The following PLA2G15 variants were observed in gnomAD, a reference collection of about 807,000 sequenced individuals.
The protein encoded by PLA2G15 is lysosomal phospholipase A and acyltransferase.
In PLA2G15, 20 loss-of-function variants were observed where a neutral mutation model predicts 40.9. That is an observed-to-expected ratio of 0.49 (90% confidence interval 0.34 to 0.71). PLA2G15 has a LOEUF of 0.71. Ranked by LOEUF, PLA2G15 falls within the 30% of genes least tolerant of loss-of-function variation. PLA2G15 has a pLI of 0.01. For synonymous variants in PLA2G15, 223 were observed against 228.2 expected (o/e 0.98, Z 0.21); for missense variants, 471 against 541.9 (o/e 0.87, Z 1.30).
At chr16:68,248,198 G>T (rs1169268699) in intron 1 of PLA2G15, 1 of 152,286 alleles carries the variant, frequency 6.6e-6, no homozygotes, top group Non-Finnish European at 1.5e-5. Context: ...GCTTCTCTCA[G>T]CTGTGTTTCT....
rs1043581715 is a variant in PLA2G15 at position 68,260,436 on chromosome 16, C to T, written c.*779C>T. ...AGGACTGAAGCTGCCTCCCTTCACC[C>T]TGGGACTGTGGTTCCAAGGATGAGA... On this transcript the variant is annotated 3_prime_UTR_variant, in exon 6 of 6. Coordinates refer to ENST00000219345, the MANE Select transcript of PLA2G15 (RefSeq NM_012320.4). 6.6e-6 allele frequency: 1 copy of T among 152,662 alleles called. No homozygotes were observed. The highest frequency in any genetic ancestry group is 2.4e-5 in the African/African-American group (1 of 41,448). The allele number at this position is 152,662 out of a possible 1,614,324, so 9.5% of individuals were successfully genotyped here.
chr16:68,254,353 T>TTATG (rs2042383625), intron 2 of PLA2G15: 1 of 149,364 alleles, frequency 6.7e-6, no homozygotes, highest in Admixed American at 6.7e-5. Flanking sequence ...ATTTATTTAT[T>TTATG]TTTTTGAGAC....
At chr16:68,245,847 C>G (rs2042304602) in intron 1 of PLA2G15, among the ~76,000 whole-genome samples, 1 of 152,144 alleles carries the variant, frequency 6.6e-6, no homozygotes, top group Non-Finnish European at 1.5e-5. Flanking sequence ...CCCCTTATCC[C>G]ATTTTTAAGC....
rs370126194 is a variant in PLA2G15 at position 68,255,247 on chromosome 16, G to C, written c.404-35G>C. 2.0e-6 allele frequency: 3 copies of C among 1,498,740 alleles called. No homozygotes were observed. The highest frequency in any genetic ancestry group is 2.8e-6 in the Non-Finnish European group (3 of 1,076,214). 92.8% of individuals were successfully genotyped at this position (1,498,740 alleles called of 1,614,324 possible). On this transcript the variant is annotated intron_variant, in intron 3 of 5. Transcript: ENST00000219345. This position sits in a 1 kb window ranked among gnomAD's most constrained non-coding sequence, Gnocchi z 5.9. ...ATAGTGTAGGTGGCCGGCACTAGCT[G>C]TATCTTTTCTTATCCTCTGTATTTC... is the stretch of plus-strand genomic sequence containing the variant.
chr16:68,255,092 T>A lies in PLA2G15; in HGVS notation c.403+55T>A. 2.6e-6 allele frequency: 3 copies of A among 1,173,902 alleles called. No individual in the cohort carries two copies. The South Asian group carries it at 3.7e-5, about 14-fold the overall frequency. The allele number at this position is 1,173,902 out of a possible 1,614,324, so 72.7% of individuals were successfully genotyped here. ...AGCTGGGATGGGGTTTCTGCCGGAC[T>A]GGAGCTGGAGCTGGAGGAACTCTGC... On this transcript the variant is annotated intron_variant, in intron 3 of 5. Transcript: ENST00000219345. The surrounding 1 kb of genome is among the most constrained non-coding windows in gnomAD (Gnocchi z 5.9).
chr16:68,254,868 C>G (rs1297294327), intron 2 of PLA2G15, 51 bp from the exon 3 acceptor site: 6 of 1,152,606 alleles, frequency 5.2e-6, no homozygotes, highest in African/African-American at 1.5e-5. Context: ...TTGGGACACA[C>G]CAAGCTCAGT....
chr16:68,256,203 C>T (rs983973770), intron 5 of PLA2G15: 7 of 515,256 alleles, frequency 1.4e-5, no homozygotes, highest in Non-Finnish European at 2.4e-5. Context: ...CGAATAGAAG[C>T]CACATCTGTG....
rs996962264 is a variant in PLA2G15 at position 68,260,021 on chromosome 16, G to A, written c.*364G>A. ...TTTTCATACTTGCCTACTGGGCCCT[G>A]GCCCCGCAGCCTTCCTATGAGGGAT... On this transcript the variant is annotated 3_prime_UTR_variant, in exon 6 of 6. Transcript: ENST00000219345. The A allele has an allele frequency of 1.1e-5, 3 of 283,854 alleles. No individual in the cohort carries two copies. Among genetic ancestry groups the A allele is most frequent in the Non-Finnish European group, 2.0e-5 (3 of 147,866 alleles). 17.6% of individuals were successfully genotyped at this position (283,854 alleles called of 1,614,324 possible). A position where few individuals can be genotyped will look rare whatever the true frequency, so the allele number is the denominator to read the frequency against.
At chr16:68,254,886 C>G in intron 2 of PLA2G15, 33 bp from the exon 3 acceptor site, 1 of 1,352,274 alleles carries the variant, frequency 7.4e-7, no homozygotes, top group Non-Finnish European at 1.1e-6. Context: ...AGTGTCCCCT[C>G]CGGGTCACTG....
chr16:68,258,950 AC>A, intron 5 of PLA2G15, 195 bp from the exon 6 acceptor site: 1 of 590,740 alleles, frequency 1.7e-6, no homozygotes, highest in Non-Finnish European at 3.0e-6. Context: ...ACAGAGTGAG[AC>A]CCTGTCTCAA....
chr16:68,248,712 G>A (rs943943507), intron 1 of PLA2G15: 3 of 992,568 alleles, frequency 3.0e-6, no homozygotes, highest in African/African-American at 1.7e-5. Context: ...TAATGACAAG[G>A]GCCTTGGCCA....
At chr16:68,250,242 G>A (rs1343399446) in intron 2 of PLA2G15, 2 of 340,412 alleles carry the variant, frequency 5.9e-6, no homozygotes, top group Non-Finnish European at 1.1e-5. Context: ...GTGCAATGGC[G>A]CGATCTCGGC....
Position 68,254,771 on chromosome 16 carries a change from A to G in PLA2G15, c.285-148A>G, listed in dbSNP as rs542023141. ...ATTACAGGTGATCTGTGCTTTATCA[A>G]CCTGCTTTGTTACTTTTCGGTCTCT... On this transcript the variant is annotated intron_variant, in intron 2 of 5. Coordinates refer to ENST00000219345, the MANE Select transcript of PLA2G15 (RefSeq NM_012320.4). The G allele has an allele frequency of 6.7e-4, 442 of 655,616 alleles. 3 individuals are homozygous for G. The South Asian group carries it at 7.6e-3, about 11-fold the overall frequency. The allele number at this position is 655,616 out of a possible 1,614,324, so 40.6% of individuals were successfully genotyped here.
At chr16:68,252,223 T>C (rs984228734) in intron 2 of PLA2G15, among the ~76,000 whole-genome samples, 4 of 152,206 alleles carry the variant, frequency 2.6e-5, no homozygotes, top group African/African-American at 9.6e-5. Flanking sequence ...TATGTGGTCA[T>C]TGGGATAATC....
chr16:68,259,786 A>T lies in PLA2G15; in HGVS notation c.*129A>T. On this transcript the variant is annotated 3_prime_UTR_variant, in exon 6 of 6. Coordinates refer to ENST00000219345, the MANE Select transcript of PLA2G15 (RefSeq NM_012320.4). This position sits in a 1 kb window ranked among gnomAD's most constrained non-coding sequence, Gnocchi z 6.5. ...GGCCCCGAGTCTTGGACTGTGAAGC[A>T]TCTGCCATGGGGAAGTGCTGTTTGT... is the stretch of plus-strand genomic sequence containing the variant. 1 of 785,384 alleles carries T rather than the reference A, an allele frequency of 1.3e-6. No individual in the cohort carries two copies. Among genetic ancestry groups the T allele is most frequent in the East Asian group, 2.6e-5 (1 of 38,348 alleles). 48.7% of individuals were successfully genotyped at this position (785,384 alleles called of 1,614,324 possible).
intron 2 of PLA2G15, among the ~76,000 whole-genome samples, chr16:68,253,074 C>T (rs2042368224): frequency 6.6e-6 from 1 of 152,196 alleles, no homozygotes; most frequent in African/African-American, 2.4e-5. Context: ...ATTTGCTGGG[C>T]AAGCCCTGAG....
At position 68,255,734 on chromosome 16, in the gene PLA2G15, C is replaced by A; in HGVS notation, c.503-32C>A. ...AGTGGTTCCGGCTCCAGGACCCTTC[C>A]CACCTGACCCCTGCCTGGCTCTGGC... On this transcript the variant is annotated intron_variant, in intron 4 of 5. Coordinates refer to ENST00000219345, the MANE Select transcript of PLA2G15 (RefSeq NM_012320.4). The surrounding 1 kb of genome is among the most constrained non-coding windows in gnomAD (Gnocchi z 5.9). The A allele has an allele frequency of 6.3e-7, 1 of 1,585,160 alleles. No individual in the cohort carries two copies. Among genetic ancestry groups the A allele is most frequent in the South Asian group, 1.1e-5 (1 of 90,468 alleles).
In PLA2G15 at chr16:68,245,386, G is replaced by T; in HGVS notation, c.-41G>T. ...CCCCGCCTAGGCGAGAGCCCAGAGA[G>T]CTGAACCTGCATCCCGGACCTGCGG... On this transcript the variant is annotated 5_prime_UTR_variant, in exon 1 of 6. Transcript: ENST00000219345. 6.3e-7 allele frequency: 1 copy of T among 1,596,110 alleles called. No individual in the cohort carries two copies. Among genetic ancestry groups the T allele is most frequent in the Non-Finnish European group, 8.5e-7 (1 of 1,176,628 alleles).
In PLA2G15 at chr16:68,259,407, G is replaced by T; in HGVS notation, c.989G>T (p.Cys330Phe). 1 of 1,614,056 alleles carries T rather than the reference G, an allele frequency of 6.2e-7. No homozygotes were observed. The highest frequency in any genetic ancestry group is 8.5e-7 in the Non-Finnish European group (1 of 1,180,046). ...ATGCCACCTGGCGTGCAGCTGCACTGCCTCTATGGTACTGGCGTCCCCACA... is the reference window on the plus strand; with the variant it reads ...ATGCCACCTGGCGTGCAGCTGCACTTCCTCTATGGTACTGGCGTCCCCACA... ...ATMPPGVQLH[C>F]LYGTGVPTPD... The change falls in exon 6 of 6, where the codon TGC becomes TTC. Residue 330 changes from cysteine (C) to phenylalanine (F), a missense_variant. Physicochemically the swap from Cys to Phe is radical, Grantham distance 205. Coordinates refer to ENST00000219345, the MANE Select transcript of PLA2G15 (RefSeq NM_012320.4). This position sits in a 1 kb window ranked among gnomAD's most constrained non-coding sequence, Gnocchi z 6.5.
Sources: allele counts gnomAD v4.1 joint callset (sites outside exome capture counted in the v4.1 genomes callset), GRCh38; gene constraint gnomAD v4.1.1; non-coding constraint Gnocchi (gnomAD v3.1); transcripts MANE v1.5; gene names NCBI Gene and HGNC (gene_info 2026-07-23, HGNC 2026-07-21).